Variants in DPY19L2 observed in about 807,000 individuals in gnomAD.
DPY19L2 encodes probable C-mannosyltransferase DPY19L2.
Under a neutral mutation model 97.9 loss-of-function variants are expected in DPY19L2, and 34 were observed. That is an observed-to-expected ratio of 0.35 (90% CI 0.26 to 0.46). The LOEUF (loss-of-function observed/expected upper bound fraction) is 0.46. Ranked by LOEUF, DPY19L2 falls within the 20% of genes least tolerant of loss-of-function variation. The pLI is 1.00. For missense variants in DPY19L2, 623 were observed against 911.4 expected (o/e 0.68, Z 4.07); for synonymous variants, 230 against 307.9 (o/e 0.75, Z 2.65).
At chr12:63,594,266 G>C (rs1592488803) in intron 15 of DPY19L2, 133 bp from the exon 16 acceptor site, 2 of 632,502 alleles carry the variant, frequency 3.2e-6, no homozygotes, top group African/African-American at 3.9e-5. Context: ...CTCAGGAACA[G>C]GACGGTCATA....
At chr12:63,591,099 C>T (rs765715711) in intron 16 of DPY19L2, 1 of 455,884 alleles carries the variant, frequency 2.2e-6, no homozygotes, top group African/African-American at 2.0e-5. Context: ...TTTAGAATGC[C>T]AAGACACATT....
At chr12:63,631,257 C>CA (rs1213626060) in intron 6 of DPY19L2, among the ~76,000 whole-genome samples, 3 of 151,890 alleles carry the variant, frequency 2.0e-5, no homozygotes, top group East Asian at 1.9e-4. Flanking sequence ...AAAACCCCTT[C>CA]AAAAAATCAA....
In DPY19L2 at chr12:63,594,106, C is replaced by G. The variant is rs772043927; in HGVS notation, c.1561G>C (p.Ala521Pro). The G allele has an allele frequency of 1.3e-6, 2 of 1,544,252 alleles. No homozygotes were observed. The highest frequency in any genetic ancestry group is 1.2e-5 in the South Asian group (1 of 85,196). ...AATTACCTTAGATAAATGTTTGTAGCTAAAACATATGAAATATCACGAACA... is the reference window on the plus strand; with the variant it reads ...AATTACCTTAGATAAATGTTTGTAGGTAAAACATATGAAATATCACGAACA... ...KTVRDISYVLATNIYLRKQLL... is the reference protein window; with the variant it reads ...KTVRDISYVLPTNIYLRKQLL... The change falls in exon 16 of 22, where the codon GCT becomes CCT. Residue 521 changes from alanine (A) to proline (P), a missense_variant. This residue lies in a region of DPY19L2 where 294 missense variants were observed against 446.2 expected (regional missense o/e 0.66). Coordinates refer to ENST00000324472, the MANE Select transcript of DPY19L2 (RefSeq NM_173812.5).
At position 63,600,502 on chromosome 12, in the gene DPY19L2, A is replaced by C; in HGVS notation, c.1279-116T>G. The C allele has an allele frequency of 5.9e-6, 5 of 848,142 alleles. No individual in the cohort carries two copies. In the East Asian group the frequency reaches 1.0e-4, roughly 18 times the overall value. The allele number at this position is 848,142 out of a possible 1,614,324, so 52.5% of individuals were successfully genotyped here. Reference sequence around the variant, plus strand: ...TAATTATGTGAGGTATAAATGGTGAAGTTTTTAAAAAAAGTTCCTTTAGAA... The same window carrying C: ...TAATTATGTGAGGTATAAATGGTGACGTTTTTAAAAAAAGTTCCTTTAGAA... On this transcript the variant is annotated intron_variant, in intron 12 of 21. Transcript: ENST00000324472.
intron 6 of DPY19L2, among the ~76,000 whole-genome samples, chr12:63,635,708 GA>G (rs1191729671): frequency 6.6e-6 from 1 of 152,136 alleles, no homozygotes. Flanking sequence ...TCAAATGAAT[GA>G]AATGAAGCGA....
intron 13 of DPY19L2, among the ~76,000 whole-genome samples, chr12:63,598,925 C>A (rs973494728): frequency 1.3e-5 from 2 of 151,176 alleles, no homozygotes; most frequent in African/African-American, 2.4e-5. Context: ...TAATCACCAG[C>A]ACTTTGGGAG....
intron 21 of DPY19L2, among the ~76,000 whole-genome samples, chr12:63,564,130 C>T (rs190820593): frequency 6.6e-5 from 10 of 152,190 alleles, no homozygotes; most frequent in African/African-American, 2.2e-4. Flanking sequence ...TTTCTGTCTT[C>T]AATCTTTTAG....
At chr12:63,588,568 TAAG>T (rs761891991) in intron 16 of DPY19L2, among the ~76,000 whole-genome samples, 4 of 152,034 alleles carry the variant, frequency 2.6e-5, no homozygotes, top group African/African-American at 4.8e-5. Flanking sequence ...TAGTTATTAA[TAAG>T]GAGAAAAAAT....
At position 63,571,909 on chromosome 12, in the gene DPY19L2, C is replaced by CATTATTCAGATCTACTATAAATCAGTAAT. The variant is rs1565699352; in HGVS notation, c.1901-1053_1901-1052insATTACTGATTTATAGTAGATCTGAATAAT. On this transcript the variant is annotated intron_variant, in intron 19 of 21. Transcript: ENST00000324472. ...TTCATCAGCACCATAAAATCAGTAACAAAGATAAGACATTATTCAGATCTA... is the reference window on the plus strand; with the variant it reads ...TTCATCAGCACCATAAAATCAGTAACATTATTCAGATCTACTATAAATCAGTAATAAAGATAAGACATTATTCAGATCTA... Among the ~76,000 whole-genome samples the CATTATTCAGATCTACTATAAATCAGTAAT allele has an allele frequency of 5.3e-5, 8 of 152,042 alleles. No homozygotes were observed. In the East Asian group the frequency reaches 1.2e-3, roughly 22 times the overall value.
intron 21 of DPY19L2, among the ~76,000 whole-genome samples, chr12:63,561,250 T>C (rs11829214): frequency 0.3 from 46,181 of 151,972 alleles, 7,257 homozygotes; most frequent in African/African-American, 0.42. Flanking sequence ...AAAATTGATT[T>C]CTAATTTTTT....
In DPY19L2 at chr12:63,590,098, C is replaced by G. The variant is rs528193690; in HGVS notation, c.1580+3989G>C. ...AGCCGAGATTGTGCCACTGCATACA[C>G]AGCAGCGAGACAAAAAAAACAAAAC... On this transcript the variant is annotated intron_variant, in intron 16 of 21. Transcript: ENST00000324472. 2.6e-5 allele frequency among the ~76,000 whole-genome samples: 4 copies of G among 151,552 alleles called. No homozygotes were observed. In the East Asian group the frequency reaches 5.8e-4, roughly 22 times the overall value.
At chr12:63,583,748 G>T (rs1881332067) in intron 17 of DPY19L2, 64 bp downstream of exon 17, 1 of 1,550,184 alleles carries the variant, frequency 6.5e-7, no homozygotes, top group Non-Finnish European at 8.9e-7. Context: ...TTATACCTTT[G>T]TCAATTATCC....
At chr12:63,621,804 G>A (rs1479165717) in intron 8 of DPY19L2, among the ~76,000 whole-genome samples, 5 of 152,052 alleles carry the variant, frequency 3.3e-5, no homozygotes, top group African/African-American at 7.2e-5. Context: ...AAAAATTTAA[G>A]GAGAAGGAAT....
chr12:63,599,565 A>G (rs898406443), intron 13 of DPY19L2, among the ~76,000 whole-genome samples: 25 of 152,152 alleles, frequency 1.6e-4, no homozygotes, highest in Non-Finnish European at 3.1e-4. Flanking sequence ...TTCAGCATCA[A>G]ACAGGGCCCT....
At chr12:63,592,515 C>T (rs1652651185) in intron 16 of DPY19L2, among the ~76,000 whole-genome samples, 1 of 149,830 alleles carries the variant, frequency 6.7e-6, no homozygotes, top group Non-Finnish European at 1.5e-5. Flanking sequence ...CTTTGACAAA[C>T]CTGAGAAAAA....
At chr12:63,595,159 T>C (rs558607208) in intron 15 of DPY19L2, among the ~76,000 whole-genome samples, 142 of 152,308 alleles carry the variant, frequency 9.3e-4, no homozygotes, top group African/African-American at 3.1e-3. Context: ...AGAGAAGATA[T>C]GCAATTTGAC....
chr12:63,625,440 T>C (rs1333671624), intron 7 of DPY19L2, among the ~76,000 whole-genome samples: 1 of 151,756 alleles, frequency 6.6e-6, no homozygotes, highest in Non-Finnish European at 1.5e-5. Context: ...ACCTGTGACA[T>C]AACATATTAA....
At chr12:63,562,224 T>C (rs964304477) in intron 21 of DPY19L2, among the ~76,000 whole-genome samples, 9 of 152,172 alleles carry the variant, frequency 5.9e-5, no homozygotes, top group Non-Finnish European at 1.2e-4. Flanking sequence ...ATCATGAACA[T>C]ATCCATCTCT....
chr12:63,584,105 T>C, intron 16 of DPY19L2: 3 of 359,356 alleles, frequency 8.3e-6, no homozygotes, highest in South Asian at 3.6e-5. Flanking sequence ...CTAGAGATTG[T>C]ACCTCTCATT....
Sources: allele counts gnomAD v4.1 joint callset (sites outside exome capture counted in the v4.1 genomes callset), GRCh38; gene constraint gnomAD v4.1.1; regional missense constraint gnomAD v4.1.1; transcripts MANE v1.5; gene names NCBI Gene and HGNC (gene_info 2026-07-23, HGNC 2026-07-21).